The following PLEKHG4B variants were observed in gnomAD, a reference collection of about 807,000 sequenced individuals.
PLEKHG4B encodes pleckstrin homology domain-containing family G member 4B.
A neutral mutation model predicts 121.3 loss-of-function variants in PLEKHG4B; 111 were observed. That is an observed-to-expected ratio of 0.92 (90% CI 0.78 to 1.07). PLEKHG4B has a LOEUF of 1.07. PLEKHG4B is among the 50% of genes least tolerant of loss of function. The pLI is 0.00. For synonymous variants in PLEKHG4B, 738 were observed against 725.0 expected (o/e 1.02, Z -0.29); for missense variants, 1,831 against 1,757.8 (o/e 1.04, Z -0.74).
At chr5:170,859 G>C (rs1736519056) in intron 14 of PLEKHG4B, among the ~76,000 whole-genome samples, 184 bp from the exon 15 acceptor site, 1 of 152,038 alleles carries the variant, frequency 6.6e-6, no homozygotes, top group African/African-American at 2.4e-5. Flanking sequence ...CTGGAGCCCT[G>C]GTGTTGGGGA....
chr5:132,689 G>A (rs1579266735), intron 2 of PLEKHG4B, among the ~76,000 whole-genome samples: 2 of 152,270 alleles, frequency 1.3e-5, no homozygotes. Flanking sequence ...CTTTGAGGAA[G>A]ATCAGTTGGC....
Position 169,530 on chromosome 5 carries a change from C to G in PLEKHG4B, c.3667C>G (p.Leu1223Val). ...KLHDFHQQHF[L>V]RELERCQHCP... is the part of the protein sequence containing the mutation. ...CCACGACTTCCACCAGCAGCACTTC[C>G]TCCGGGAGCTGGAGCGCTGCCAGCA... The change falls in exon 14 of 20, where the codon CTC becomes GTC. Residue 1223 changes from leucine to valine, a missense_variant. By Grantham distance (32) the Leu-to-Val change is conservative. Transcript: ENST00000637938. 1 of 1,614,062 alleles carries G rather than the reference C, an allele frequency of 6.2e-7. No individual in the cohort carries two copies. The highest frequency in any genetic ancestry group is 8.5e-7 in the Non-Finnish European group (1 of 1,180,046).
At chr5:179,470 G>T (rs1022634631) in intron 18 of PLEKHG4B, 1 of 152,692 alleles carries the variant, frequency 6.5e-6, no homozygotes, top group Non-Finnish European at 1.5e-5. Flanking sequence ...GGACCTGGGT[G>T]TTTTTCTGCC....
At chr5:124,608 G>A (rs927928916) in intron 2 of PLEKHG4B, among the ~76,000 whole-genome samples, 1 of 152,170 alleles carries the variant, frequency 6.6e-6, no homozygotes, top group Admixed American at 6.5e-5. Flanking sequence ...ATATCTTCTT[G>A]CTGTATTTAA....
At chr5:109,147 G>A (rs1326875730) in intron 1 of PLEKHG4B, among the ~76,000 whole-genome samples, 1 of 152,148 alleles carries the variant, frequency 6.6e-6, no homozygotes, top group Non-Finnish European at 1.5e-5. Flanking sequence ...GCTGCCCACG[G>A]ATGTCTTGCT....
chr5:162,958 C>T lies in PLEKHG4B; in HGVS notation c.2886C>T (p.Ala962=), dbSNP rs1037808912. 23 of 1,560,336 alleles carry T rather than the reference C, an allele frequency of 1.5e-5. No individual in the cohort carries two copies. The highest frequency in any genetic ancestry group is 1.9e-5 in the Non-Finnish European group (22 of 1,153,028). The change falls in exon 13 of 20, where the codon GCC becomes GCT. Residue 962 remains alanine, a synonymous_variant. Coordinates refer to ENST00000637938, the MANE Select transcript of PLEKHG4B (RefSeq NM_052909.5). The stretch of plus-strand genomic sequence containing the variant: ...TGGAAGAGGCCCTTTCTGAGGCTGC[C>T]CCAGACCCCAGCTTACCGCCCCTTG... ...LRLEEALSEA[A]PDPSLPPLAQ...
At chr5:135,702 T>TACAC (rs1553985213) in intron 2 of PLEKHG4B, among the ~76,000 whole-genome samples, 1 of 81,552 alleles carries the variant, frequency 1.2e-5, no homozygotes, top group African/African-American at 6.5e-5. Context: ...TATATATATA[T>TACAC]ATATATATAT....
At chr5:133,195 C>T (rs186674414) in intron 2 of PLEKHG4B, among the ~76,000 whole-genome samples, 1 of 152,220 alleles carries the variant, frequency 6.6e-6, no homozygotes, top group East Asian at 1.9e-4. Context: ...TCAGCTTTGT[C>T]ATTGTTAGTG....
intron 2 of PLEKHG4B, among the ~76,000 whole-genome samples, chr5:114,543 C>T (rs1448850414): frequency 6.6e-5 from 10 of 152,056 alleles, no homozygotes; most frequent in Non-Finnish European, 1.2e-4. Flanking sequence ...CTGCGACCTC[C>T]GCCACCCAGG....
At chr5:111,035 C>T (rs891427511) in intron 1 of PLEKHG4B, among the ~76,000 whole-genome samples, 1 of 152,248 alleles carries the variant, frequency 6.6e-6, no homozygotes, top group African/African-American at 2.4e-5. Flanking sequence ...CCTGGCCAGG[C>T]TTACACTCCT....
chr5:156,334 C>A lies in PLEKHG4B; in HGVS notation c.2348+124C>A. ...CCCCTCTGTGCTTGGTCCAGACCTCCATTCTGACAGCCACGCTTTGCCTGG... is the reference window on the plus strand; with the variant it reads ...CCCCTCTGTGCTTGGTCCAGACCTCAATTCTGACAGCCACGCTTTGCCTGG... On this transcript the variant is annotated intron_variant, in intron 10 of 19. Coordinates refer to ENST00000637938, the MANE Select transcript of PLEKHG4B (RefSeq NM_052909.5). This position sits in a 1 kb window ranked among gnomAD's most constrained non-coding sequence, Gnocchi z 4.4. 9.3e-7 allele frequency: 1 copy of A among 1,077,678 alleles called. No individual in the cohort carries two copies. The highest frequency in any genetic ancestry group is 1.2e-6 in the Non-Finnish European group (1 of 823,532). 66.8% of individuals were successfully genotyped at this position (1,077,678 alleles called of 1,614,324 possible).
chr5:105,881 G>A (rs76971931), intron 1 of PLEKHG4B, among the ~76,000 whole-genome samples: 3 of 152,188 alleles, frequency 2.0e-5, no homozygotes, highest in African/African-American at 4.8e-5. Context: ...AAGCTGGGGG[G>A]GCCCATGAGC....
rs545552089 is a variant in PLEKHG4B at position 182,152 on chromosome 5, C to T, written c.4713C>T (p.Ser1571=). Residue 1571 remains serine (S), a synonymous_variant, in exon 20 of 20, where the codon TCC becomes TCT. Transcript: ENST00000637938. The stretch of plus-strand genomic sequence containing the variant: ...TGGGGTCGCTGGGCCTGCTTGTGTC[C>T]TCCAGCCCAGCCCACCCGGGCCTAT... ...SILGSLGLLV[S]SSPAHPGLWS... 1.9e-6 allele frequency: 3 copies of T among 1,614,024 alleles called. No homozygotes were observed. The highest frequency in any genetic ancestry group is 2.7e-5 in the African/African-American group (2 of 75,056).
In PLEKHG4B at chr5:186,416, G is replaced by A. The variant is rs1384731513; in HGVS notation, c.*4093G>A. ...CGTGTTCTCATTTCTCCAGGGTTCT[G>A]GACCCGTGAGCTGAAGCAGGTGCTG... On this transcript the variant is annotated 3_prime_UTR_variant, in exon 20 of 20. Coordinates refer to ENST00000637938, the MANE Select transcript of PLEKHG4B (RefSeq NM_052909.5). 2 of 152,318 alleles carry A rather than the reference G, an allele frequency of 1.3e-5. No individual in the cohort carries two copies. The highest frequency in any genetic ancestry group is 3.8e-4 in the East Asian group (2 of 5,204). 9.4% of individuals were successfully genotyped at this position (152,318 alleles called of 1,614,324 possible).
chr5:181,591 C>A lies in PLEKHG4B; in HGVS notation c.4480C>A (p.Pro1494Thr), dbSNP rs754490427. Residue 1494 changes from proline (P) to threonine (T), a missense_variant, in exon 19 of 20, where the codon CCT (proline) becomes ACT (threonine). Physicochemically the swap from Pro to Thr is conservative, Grantham distance 38. Coordinates refer to ENST00000637938, the MANE Select transcript of PLEKHG4B (RefSeq NM_052909.5). ...GGATGTCAAGCCCAGAGACCGGACC[C>A]CTGACTGTGCAGTGATAAGCGACCG... ...FMDVKPRDRT[P>T]DCAVISDRAP... The A allele has an allele frequency of 6.2e-7, 1 of 1,614,152 alleles. No homozygotes were observed. The highest frequency in any genetic ancestry group is 1.7e-5 in the Admixed American group (1 of 60,024).
rs1379681783 is a variant in PLEKHG4B at position 139,686 on chromosome 5, C to T, written c.447C>T (p.Thr149=). The change falls in exon 3 of 20, where the codon ACC becomes ACT. Residue 149 remains threonine (T), a synonymous_variant. Coordinates refer to ENST00000637938, the MANE Select transcript of PLEKHG4B (RefSeq NM_052909.5). The surrounding 1 kb of genome is among the most constrained non-coding windows in gnomAD (Gnocchi z 5.0). Reference sequence around the variant, plus strand: ...TGGGAAGAGGCACAGAGGAAGTCACCGTCCCTGAGGCCATGTATGGCTGTG... The same window carrying T: ...TGGGAAGAGGCACAGAGGAAGTCACTGTCCCTGAGGCCATGTATGGCTGTG... The part of the protein sequence containing the change: ...SRLGRGTEEV[T]VPEAMYGCVF... The T allele has an allele frequency of 2.5e-5, 10 of 398,702 alleles. No individual in the cohort carries two copies. Among genetic ancestry groups the T allele is most frequent in the Admixed American group, 8.8e-5 (2 of 22,712 alleles). 24.7% of individuals were successfully genotyped at this position (398,702 alleles called of 1,614,324 possible).
intron 1 of PLEKHG4B, among the ~76,000 whole-genome samples, chr5:103,039 G>T (rs575886296): frequency 6.6e-6 from 1 of 152,178 alleles, no homozygotes; most frequent in African/African-American, 2.4e-5. Context: ...CAGAGTTACC[G>T]CTCTGTTCCC....
In PLEKHG4B at chr5:157,097, T is replaced by A; in HGVS notation, c.2487+186T>A. On this transcript the variant is annotated intron_variant, in intron 11 of 19. Coordinates refer to ENST00000637938, the MANE Select transcript of PLEKHG4B (RefSeq NM_052909.5). The surrounding 1 kb of genome is among the most constrained non-coding windows in gnomAD (Gnocchi z 4.6). ...AAAGAAATAAATTTTATTTTTTACGTGAGAGATACTGGATCAGTGGAGAAA... is the reference window on the plus strand; with the variant it reads ...AAAGAAATAAATTTTATTTTTTACGAGAGAGATACTGGATCAGTGGAGAAA... 1.1e-6 allele frequency: 1 copy of A among 890,340 alleles called. No homozygotes were observed. The highest frequency in any genetic ancestry group is 1.7e-6 in the Non-Finnish European group (1 of 584,060). The allele number at this position is 890,340 out of a possible 1,614,324, so 55.2% of individuals were successfully genotyped here.
intron 2 of PLEKHG4B, among the ~76,000 whole-genome samples, chr5:121,728 T>C (rs943180468): frequency 7.2e-5 from 11 of 152,020 alleles, no homozygotes; most frequent in Non-Finnish European, 1.6e-4. Flanking sequence ...AGAAAAAAAT[T>C]CTATATCCAG....
Sources: gnomAD v4.1 joint callset for allele counts (sites outside exome capture counted in the v4.1 genomes callset) on GRCh38, gnomAD v4.1.1 for gene constraint, Gnocchi (gnomAD v3.1) non-coding constraint, MANE v1.5 for transcripts, NCBI Gene and HGNC (gene_info 2026-07-23, HGNC 2026-07-21) for gene names.